PRR16: variants seen among roughly 807,000 people sequenced by gnomAD.
PRR16 encodes the protein proline rich 16.
Under a neutral mutation model 18.2 loss-of-function variants are expected in PRR16, and 6 were observed. The observed-to-expected ratio is 0.33, with a 90% CI of 0.18 to 0.65. The LOEUF (loss-of-function observed/expected upper bound fraction) is 0.65, where lower values mean the gene tolerates loss of function less well. Among genes scored for constraint, PRR16 ranks in the 30% least tolerant of loss-of-function variants. PRR16 has a pLI of 0.74. For missense variants in PRR16, 412 were observed against 376.6 expected (o/e 1.09, Z -0.78); for synonymous variants, 151 against 147.8 (o/e 1.02, Z -0.16).
At chr5:120,690,995 AT>A (rs1182175917), downstream of PRR16, among the ~76,000 whole-genome samples, 1 of 152,232 alleles carries the variant, frequency 6.6e-6, no homozygotes, top group Admixed American at 6.5e-5. Context: ...AATATTGCTT[AT>A]AATTTATAAC....
rs1054412112 is a variant in PRR16, at chr5:120,602,096, T to C, written c.160-83858T>C. Among the ~76,000 whole-genome samples, 8 of 152,182 alleles carry C rather than the reference T, an allele frequency of 5.3e-5. No homozygotes were observed. In the East Asian group the frequency reaches 9.6e-4, roughly 18 times the overall value. On this transcript the variant is annotated intron_variant, in intron 1 of 1. Coordinates refer to ENST00000407149, the MANE Select transcript of PRR16 (RefSeq NM_001300783.2). ...TTTCTAATAGTTTTTACTAATTCTG[T>C]GAAAAATGATGTTGGTATTTTGATA...
At chr5:120,604,092 G>T (rs546701804) in intron 1 of PRR16, among the ~76,000 whole-genome samples, 1 of 146,344 alleles carries the variant, frequency 6.8e-6, no homozygotes. Context: ...GCTGAGTTTA[G>T]GTCCCAAATT....
intron 1 of PRR16, among the ~76,000 whole-genome samples, chr5:120,641,115 A>G (rs1755408230): frequency 6.6e-6 from 1 of 152,222 alleles, no homozygotes; most frequent in Non-Finnish European, 1.5e-5. Flanking sequence ...TGAGAGGCTA[A>G]ACACAACTTT....
the PRR16 span, among the ~76,000 whole-genome samples, chr5:120,732,618 T>C: frequency 6.6e-6 from 1 of 152,156 alleles, no homozygotes; most frequent in Admixed American, 6.6e-5. Context: ...GTTGTGCCTT[T>C]ACCCCATCTG....
chr5:120,537,774 T>A lies in PRR16; in HGVS notation c.159+73129T>A, dbSNP rs948682059. On this transcript the variant is annotated intron_variant, in intron 1 of 1. Transcript: ENST00000407149. Reference sequence around the variant, plus strand: ...TATAACTTGGAATTTTTAATGTTTTTTTTTTTTTTTTTTTTTTTTTGAGAC... The same window carrying A: ...TATAACTTGGAATTTTTAATGTTTTATTTTTTTTTTTTTTTTTTTTGAGAC... Among the ~76,000 whole-genome samples, 942 of 139,894 alleles carry A rather than the reference T, an allele frequency of 6.7e-3. 38 individuals carry two copies. Among genetic ancestry groups the A allele is most frequent in the African/African-American group, 0.014 (520 of 37,874 alleles). 91.8% of individuals were successfully genotyped at this position (139,894 alleles called of 152,430 possible). A position where few individuals can be genotyped will look rare whatever the true frequency, so the allele number is the denominator to read the frequency against.
chr5:120,588,434 C>A (rs1753524220), intron 1 of PRR16, among the ~76,000 whole-genome samples: 1 of 152,136 alleles, frequency 6.6e-6, no homozygotes, highest in African/African-American at 2.4e-5. Context: ...CACAGCCATC[C>A]CAACCTTAGC....
the PRR16 span, among the ~76,000 whole-genome samples, chr5:120,707,548 T>G: frequency 1.3e-5 from 2 of 152,176 alleles, no homozygotes; most frequent in African/African-American, 4.8e-5. Context: ...CAGATGACAT[T>G]TTAAGGCAGG....
At chr5:120,473,444 C>T (rs1749334534) in intron 1 of PRR16, among the ~76,000 whole-genome samples, 1 of 152,076 alleles carries the variant, frequency 6.6e-6, no homozygotes, top group Admixed American at 6.6e-5. Flanking sequence ...ATATTGAGCA[C>T]ATTATTTAAT....
chr5:120,469,253 A>G (rs1749193735), intron 1 of PRR16, among the ~76,000 whole-genome samples: 1 of 152,206 alleles, frequency 6.6e-6, no homozygotes, highest in Non-Finnish European at 1.5e-5. Flanking sequence ...CCTACCGAGT[A>G]TTTTTTGGTT....
the PRR16 span, among the ~76,000 whole-genome samples, chr5:120,749,530 G>A: frequency 6.6e-6 from 1 of 152,036 alleles, no homozygotes; most frequent in Non-Finnish European, 1.5e-5. Flanking sequence ...TGTACTGTCA[G>A]TTACACATTT....
the PRR16 span, among the ~76,000 whole-genome samples, chr5:120,786,424 A>AT: frequency 2.2e-4 from 33 of 151,318 alleles, 1 homozygote; most frequent in East Asian, 2.3e-3. Context: ...AATAAGACAG[A>AT]TTTTTTTTAA....
rs923104080 is a variant in PRR16 at position 120,469,463 on chromosome 5, G to T, written c.159+4818G>T. Among the ~76,000 whole-genome samples, 3 of 151,948 alleles carry T rather than the reference G, an allele frequency of 2.0e-5. No individual in the cohort carries two copies. The East Asian group carries it at 5.8e-4, about 29-fold the overall frequency. On this transcript the variant is annotated intron_variant, in intron 1 of 1. Coordinates refer to ENST00000407149, the MANE Select transcript of PRR16 (RefSeq NM_001300783.2). ...TCAGCCTTCTGAGTAGCTGGGACTAGAGGCATGCGCCGCCATGCCTGGCTA... is the reference window on the plus strand; with the variant it reads ...TCAGCCTTCTGAGTAGCTGGGACTATAGGCATGCGCCGCCATGCCTGGCTA...
chr5:120,643,771 G>A (rs149518416), intron 1 of PRR16, among the ~76,000 whole-genome samples: 17 of 152,192 alleles, frequency 1.1e-4, no homozygotes, highest in South Asian at 2.1e-4. Context: ...TTGGGAGGCC[G>A]AGGTGGGCAA....
At chr5:120,728,987 C>T in the PRR16 span, among the ~76,000 whole-genome samples, 1 of 152,108 alleles carries the variant, frequency 6.6e-6, no homozygotes, top group Non-Finnish European at 1.5e-5. Context: ...TTCCCTAAGC[C>T]ATTTTATTCT....
chr5:120,780,384 A>ATCACCACC, the PRR16 span, among the ~76,000 whole-genome samples: 1 of 152,126 alleles, frequency 6.6e-6, no homozygotes, highest in Non-Finnish European at 1.5e-5. Context: ...TAATTATAAG[A>ATCACCACC]AGCTGGTGGT....
At chr5:120,526,226 C>T (rs912360949) in intron 1 of PRR16, among the ~76,000 whole-genome samples, 11 of 152,092 alleles carry the variant, frequency 7.2e-5, no homozygotes, top group African/African-American at 2.7e-4. Flanking sequence ...AATATGTAAG[C>T]TTTGCAGACT....
chr5:120,489,030 T>C (rs1749921580), intron 1 of PRR16, among the ~76,000 whole-genome samples: 1 of 152,220 alleles, frequency 6.6e-6, no homozygotes, highest in Admixed American at 6.5e-5. Flanking sequence ...TTTGTTCTAA[T>C]TTCTGTTCTT....
intron 1 of PRR16, among the ~76,000 whole-genome samples, chr5:120,607,386 A>G (rs1353806614): frequency 1.3e-5 from 2 of 152,246 alleles, no homozygotes; most frequent in African/African-American, 2.4e-5. Context: ...TAAATGGAAG[A>G]AACTAAAACA....
chr5:120,735,807 T>C, the PRR16 span, among the ~76,000 whole-genome samples: 1 of 152,198 alleles, frequency 6.6e-6, no homozygotes, highest in African/African-American at 2.4e-5. Context: ...GTTATTGCTA[T>C]GCAGAAGCTT....
Sources: gnomAD v4.1 joint callset for allele counts (sites outside exome capture counted in the v4.1 genomes callset) on GRCh38, gnomAD v4.1.1 for gene constraint, MANE v1.5 for transcripts, NCBI Gene and HGNC (gene_info 2026-07-23, HGNC 2026-07-21) for gene names.